The following OLFM3 variants were observed in gnomAD, a reference collection of about 807,000 sequenced individuals.
OLFM3 encodes noelin-3.
OLFM3 carries 20 observed loss-of-function variants against 48.6 expected under a neutral mutation model. The observed-to-expected ratio is 0.41, with a 90% CI of 0.29 to 0.60. The LOEUF (loss-of-function observed/expected upper bound fraction) is 0.60. OLFM3 is among the 20% of genes least tolerant of loss of function. The pLI is 0.28. For missense variants in OLFM3, 437 were observed against 544.3 expected, an observed-to-expected ratio of 0.80 and a Z score of 1.96; for synonymous variants, 222 against 198.1, an observed-to-expected ratio of 1.12 and a Z score of -1.01.
chr1:101,815,612 C>CA lies in OLFM3; in HGVS notation c.592+9413dup, dbSNP rs59686771. ...TGTGAGGAAAGGGAATTTAAAAACT[C>CA]AAAAAAAAATAATCAAAGATAACAT... On this transcript the variant is annotated intron_variant, in intron 4 of 5. Coordinates refer to ENST00000370103, the MANE Select transcript of OLFM3 (RefSeq NM_058170.4). Among the ~76,000 whole-genome samples, 212 of 151,244 alleles carry CA rather than the reference C, an allele frequency of 1.4e-3. 1 individual carries two copies. The highest frequency in any genetic ancestry group is 4.2e-3 in the African/African-American group (173 of 41,166).
chr1:101,885,490 A>G (rs1241962428), intron 1 of OLFM3, among the ~76,000 whole-genome samples: 1 of 152,080 alleles, frequency 6.6e-6, no homozygotes, highest in Non-Finnish European at 1.5e-5. Flanking sequence ...ATAAAGGTAC[A>G]TGGAGAGTGC....
intron 1 of OLFM3, among the ~76,000 whole-genome samples, chr1:101,909,086 A>G (rs1398119512): frequency 6.6e-6 from 1 of 152,120 alleles, no homozygotes; most frequent in Non-Finnish European, 1.5e-5. Flanking sequence ...AGCTGTTGCT[A>G]TGAATTTCCT....
At chr1:101,967,686 T>C (rs1570674867) in intron 1 of OLFM3, among the ~76,000 whole-genome samples, 1 of 147,184 alleles carries the variant, frequency 6.8e-6, no homozygotes, top group African/African-American at 2.5e-5. Context: ...GGAAAACTTA[T>C]CAGCGGAAAA....
chr1:101,861,251 A>G (rs1656643796), intron 1 of OLFM3, among the ~76,000 whole-genome samples: 1 of 151,964 alleles, frequency 6.6e-6, no homozygotes, highest in African/African-American at 2.4e-5. Context: ...TAGTAGAGAC[A>G]GGGTTTCACT....
intron 1 of OLFM3, among the ~76,000 whole-genome samples, chr1:101,853,307 C>T (rs1656294074): frequency 6.6e-6 from 1 of 151,954 alleles, no homozygotes; most frequent in Non-Finnish European, 1.5e-5. Context: ...ATTACAATCT[C>T]TCAATATCTT....
intron 4 of OLFM3, among the ~76,000 whole-genome samples, chr1:101,819,006 G>A (rs1381094028): frequency 1.3e-5 from 2 of 152,034 alleles, no homozygotes; most frequent in South Asian, 2.1e-4. Context: ...ATCTATAAGG[G>A]TGTAAAGATT....
intron 1 of OLFM3, among the ~76,000 whole-genome samples, chr1:101,861,454 C>T (rs1291561364): frequency 6.6e-6 from 1 of 152,242 alleles, no homozygotes; most frequent in African/African-American, 2.4e-5. Context: ...TTTGTAGTAT[C>T]TACGTTACTA....
intron 1 of OLFM3, among the ~76,000 whole-genome samples, chr1:101,985,186 C>T (rs145048068): frequency 6.6e-6 from 1 of 152,166 alleles, no homozygotes; most frequent in African/African-American, 2.4e-5. Flanking sequence ...GGGCCTCCAG[C>T]CTTCCTCTTA....
At chr1:101,812,966 T>C in intron 4 of OLFM3, 1 of 1,016,136 alleles carries the variant, frequency 9.8e-7, no homozygotes. Flanking sequence ...ATATAATAAT[T>C]AATTTATTCA....
chr1:101,879,036 G>A (rs1459936337), intron 1 of OLFM3, among the ~76,000 whole-genome samples: 1 of 151,814 alleles, frequency 6.6e-6, no homozygotes, highest in African/African-American at 2.4e-5. Flanking sequence ...AAGCAGAGAA[G>A]GGATAATTTG....
At chr1:101,910,770 A>C (rs1009638445) in intron 1 of OLFM3, among the ~76,000 whole-genome samples, 3 of 152,196 alleles carry the variant, frequency 2.0e-5, no homozygotes, top group Admixed American at 2.0e-4. Flanking sequence ...CACAATGAAG[A>C]ATTAGTACTT....
intron 1 of OLFM3, among the ~76,000 whole-genome samples, chr1:101,838,094 G>A (rs1368495621): frequency 6.6e-6 from 1 of 151,982 alleles, no homozygotes; most frequent in African/African-American, 2.4e-5. Context: ...AGCCTCCTGG[G>A]CTCAAGCAAT....
intron 1 of OLFM3, chr1:101,893,524 C>A: frequency 3.5e-6 from 1 of 285,850 alleles, no homozygotes; most frequent in Admixed American, 3.7e-5. Context: ...GACCAAAAAC[C>A]AGGACTGGAG....
At chr1:101,996,724 C>T (rs747167001) in intron 1 of OLFM3, 24 bp downstream of exon 1, 1 of 1,612,318 alleles carries the variant, frequency 6.2e-7, no homozygotes, top group East Asian at 2.2e-5. Flanking sequence ...TTATTTCAAA[C>T]AAGACTCAAA....
intron 1 of OLFM3, among the ~76,000 whole-genome samples, chr1:101,849,226 T>C (rs1200068594): frequency 2.0e-5 from 3 of 152,238 alleles, no homozygotes; most frequent in Non-Finnish European, 4.4e-5. Flanking sequence ...CAGCTGCAAT[T>C]TGCAAAGAGC....
At chr1:101,992,888 A>G (rs907685248) in intron 1 of OLFM3, among the ~76,000 whole-genome samples, 6 of 152,260 alleles carry the variant, frequency 3.9e-5, no homozygotes, top group East Asian at 1.9e-4. Context: ...GTTGCCTTGG[A>G]CAGAAACCAC....
At chr1:101,952,157 T>C (rs1374731090) in intron 1 of OLFM3, among the ~76,000 whole-genome samples, 2 of 152,136 alleles carry the variant, frequency 1.3e-5, no homozygotes, top group Non-Finnish European at 2.9e-5. Context: ...TGGAAACACA[T>C]ACCCAGCCTT....
intron 1 of OLFM3, among the ~76,000 whole-genome samples, chr1:101,870,854 A>G (rs2100975807): frequency 6.6e-6 from 1 of 152,216 alleles, no homozygotes; most frequent in East Asian, 1.9e-4. Context: ...AATGTATAAT[A>G]TAAAAATTTT....
chr1:101,825,445 A>G (rs79328949), intron 3 of OLFM3, among the ~76,000 whole-genome samples, 200 bp from the exon 4 acceptor site: 1,890 of 152,322 alleles, frequency 0.012, 46 homozygotes, highest in African/African-American at 0.043. Flanking sequence ...CAGCTTTTCC[A>G]TATGAGAATC....
Sources: allele counts gnomAD v4.1 joint callset (sites outside exome capture counted in the v4.1 genomes callset), GRCh38; gene constraint gnomAD v4.1.1; transcripts MANE v1.5; gene names NCBI Gene and HGNC (gene_info 2026-07-23, HGNC 2026-07-21).